SLC25A26: variants seen among roughly 807,000 people sequenced by gnomAD.
SLC25A26 encodes solute carrier family 25 member 26.
SLC25A26 carries 36 observed loss-of-function variants against 37.8 expected under a neutral mutation model. The ratio of observed to expected loss-of-function variants is 0.95; its 90% CI spans 0.73 to 1.26. The LOEUF (loss-of-function observed/expected upper bound fraction) is 1.26. Among genes scored for constraint, SLC25A26 ranks in the 50% most tolerant of loss-of-function variants. The pLI is 0.00. For missense variants in SLC25A26, 390 were observed against 331.1 expected (o/e 1.18, Z -1.38); for synonymous variants, 129 against 122.5 (o/e 1.05, Z -0.35).
At chr3:66,149,362 T>A (rs972323482) in intron 1 of SLC25A26, among the ~76,000 whole-genome samples, 4 of 152,044 alleles carry the variant, frequency 2.6e-5, no homozygotes, top group African/African-American at 9.7e-5. Context: ...AAACACAGGT[T>A]AGGGATGACA....
chr3:66,353,128 G>C (rs916059242), intron 6 of SLC25A26, among the ~76,000 whole-genome samples: 5 of 152,154 alleles, frequency 3.3e-5, no homozygotes, highest in African/African-American at 1.2e-4. Flanking sequence ...CTTAAAACCA[G>C]GGAAGCAGGG....
At chr3:66,173,173 A>G (rs1161144726) in intron 1 of SLC25A26, among the ~76,000 whole-genome samples, 1 of 152,122 alleles carries the variant, frequency 6.6e-6, no homozygotes, top group Non-Finnish European at 1.5e-5. Context: ...TGTAAGAAAA[A>G]GTCTTAGAAT....
At chr3:66,313,141 T>C (rs2075431280) in intron 5 of SLC25A26, among the ~76,000 whole-genome samples, 1 of 152,206 alleles carries the variant, frequency 6.6e-6, no homozygotes, top group Non-Finnish European at 1.5e-5. Flanking sequence ...TTAGATCCCA[T>C]TTATCAATTT....
At chr3:66,199,141 C>G (rs2071080644) in intron 1 of SLC25A26, among the ~76,000 whole-genome samples, 1 of 151,930 alleles carries the variant, frequency 6.6e-6, no homozygotes, top group African/African-American at 2.4e-5. Flanking sequence ...AACCCTTGTA[C>G]CTTACTTGAC....
chr3:66,256,400 T>C (rs1219664854), intron 3 of SLC25A26, among the ~76,000 whole-genome samples: 2 of 152,166 alleles, frequency 1.3e-5, no homozygotes, highest in African/African-American at 4.8e-5. Context: ...TTTTTCTTCC[T>C]CACTTAAAAT....
intron 7 of SLC25A26, among the ~76,000 whole-genome samples, chr3:66,368,015 C>G (rs1196977649): frequency 6.6e-6 from 1 of 152,072 alleles, no homozygotes; most frequent in African/African-American, 2.4e-5. Context: ...AGAAATGGAC[C>G]ATGAGGGCAT....
At chr3:66,209,145 A>G (rs2071235430) in intron 1 of SLC25A26, among the ~76,000 whole-genome samples, 1 of 85,268 alleles carries the variant, frequency 1.2e-5, no homozygotes, top group African/African-American at 3.8e-5. Context: ...TTTTATATAT[A>G]TATATACCTA....
intron 2 of SLC25A26, among the ~76,000 whole-genome samples, chr3:66,239,101 A>G (rs566457934): frequency 2.6e-5 from 4 of 152,138 alleles, no homozygotes; most frequent in Admixed American, 2.0e-4. Flanking sequence ...GTCTGATGTC[A>G]TTTTCTTTTC....
At chr3:66,302,571 A>C (rs2075107651) in intron 5 of SLC25A26, among the ~76,000 whole-genome samples, 1 of 152,168 alleles carries the variant, frequency 6.6e-6, no homozygotes, top group South Asian at 2.1e-4. Context: ...GCGGTTCTCC[A>C]CCATGTGTTC....
intron 1 of SLC25A26, among the ~76,000 whole-genome samples, chr3:66,138,768 C>A (rs1451662322): frequency 6.6e-6 from 1 of 152,062 alleles, no homozygotes; most frequent in African/African-American, 2.4e-5. Context: ...GTCCTGGATA[C>A]GGGCATCGGT....
chr3:66,226,441 T>C (rs1041184936), intron 1 of SLC25A26, among the ~76,000 whole-genome samples: 1 of 152,108 alleles, frequency 6.6e-6, no homozygotes, highest in African/African-American at 2.4e-5. Context: ...TGAGATTTGG[T>C]TGGGGACCCA....
At chr3:66,283,851 C>T (rs759417147) in intron 5 of SLC25A26, among the ~76,000 whole-genome samples, 6 of 152,190 alleles carry the variant, frequency 3.9e-5, no homozygotes, top group Non-Finnish European at 7.3e-5. Context: ...ATTGAGACTT[C>T]TATCTCTTGA....
In SLC25A26 at chr3:66,378,650, A is replaced by C. The variant is rs1700827025; in HGVS notation, c.*843A>C. The stretch of plus-strand genomic sequence containing the variant: ...CTCCAGGTGTAGAAAAATTCAAAAC[A>C]AAATGTCAGGAATCTAGCAGTGTTG... On this transcript the variant is annotated 3_prime_UTR_variant, in exon 10 of 10. Coordinates refer to ENST00000354883, the MANE Select transcript of SLC25A26 (RefSeq NM_001379210.1). The C allele has an allele frequency of 6.6e-6, 1 of 152,480 alleles. No homozygotes were observed. The highest frequency in any genetic ancestry group is 6.5e-5 in the Admixed American group (1 of 15,288). 9.4% of individuals were successfully genotyped at this position (152,480 alleles called of 1,614,324 possible). A position where few individuals can be genotyped will look rare whatever the true frequency, so the allele number is the denominator to read the frequency against.
intron 1 of SLC25A26, among the ~76,000 whole-genome samples, chr3:66,143,217 A>C (rs142117773): frequency 6.6e-6 from 1 of 152,312 alleles, no homozygotes; most frequent in East Asian, 1.9e-4. Context: ...AACATAACAC[A>C]ATTTGTCTAT....
intron 6 of SLC25A26, 22 bp downstream of exon 6, chr3:66,346,430 T>A (rs1395455730): frequency 1.5e-6 from 2 of 1,354,340 alleles, no homozygotes; most frequent in African/African-American, 3.1e-5. Flanking sequence ...AGTCTTCACA[T>A]AAAATTTGTC....
chr3:66,296,259 G>A (rs1218462672), intron 5 of SLC25A26, among the ~76,000 whole-genome samples: 2 of 152,128 alleles, frequency 1.3e-5, no homozygotes, highest in African/African-American at 4.8e-5. Flanking sequence ...ATTAAATTTG[G>A]GAATTTTTCA....
In SLC25A26 at chr3:66,236,636, G is replaced by A; in HGVS notation, c.126G>A (p.Lys42=). ...TRLQSPQGFS[K]AGGFHGIYAG... is the part of the protein sequence containing the mutation. ...TGCAGAGTCCCCAAGGATTTAGTAAGGCTGGTGGTTTTCATGGAATATATG... is the reference window on the plus strand; with the variant it reads ...TGCAGAGTCCCCAAGGATTTAGTAAAGCTGGTGGTTTTCATGGAATATATG... Residue 42 remains lysine (K), a synonymous_variant, in exon 2 of 10, where the codon AAG becomes AAA. Transcript: ENST00000354883. The A allele has an allele frequency of 1.3e-6, 2 of 1,529,258 alleles. No homozygotes were observed. Among genetic ancestry groups the A allele is most frequent in the East Asian group, 2.4e-5 (1 of 40,818 alleles). The allele number at this position is 1,529,258 out of a possible 1,614,324, so 94.7% of individuals were successfully genotyped here. A position where few individuals can be genotyped will look rare whatever the true frequency, so the allele number is the denominator to read the frequency against.
intron 5 of SLC25A26, among the ~76,000 whole-genome samples, chr3:66,300,950 C>T (rs1030972672): frequency 6.6e-6 from 1 of 152,092 alleles, no homozygotes; most frequent in African/African-American, 2.4e-5. Context: ...GATTTCTAAG[C>T]AGATTTGGGA....
intron 1 of SLC25A26, among the ~76,000 whole-genome samples, chr3:66,136,487 A>G (rs1299587422): frequency 1.3e-5 from 2 of 152,240 alleles, no homozygotes; most frequent in Admixed American, 1.3e-4. Flanking sequence ...ATTTGAATCC[A>G]TGTCTATTTC....
Sources: allele counts gnomAD v4.1 joint callset (sites outside exome capture counted in the v4.1 genomes callset), GRCh38; gene constraint gnomAD v4.1.1; transcripts MANE v1.5; gene names NCBI Gene and HGNC (gene_info 2026-07-23, HGNC 2026-07-21).